The following TNRC6A variants were observed in gnomAD, a reference collection of about 807,000 sequenced individuals.
TNRC6A encodes trinucleotide repeat containing adaptor 6A.
A neutral mutation model predicts 221.2 loss-of-function variants in TNRC6A; 44 were observed. The observed-to-expected ratio is 0.20, with a 90% CI of 0.16 to 0.26. The LOEUF (loss-of-function observed/expected upper bound fraction) is 0.26. TNRC6A is among the 10% of genes least tolerant of loss of function. The pLI, the probability that TNRC6A is intolerant of heterozygous loss-of-function variation, is 1.00. For missense variants in TNRC6A, 2,199 were observed against 2,404.4 expected (o/e 0.91, Z 1.79); for synonymous variants, 847 against 838.5 (o/e 1.01, Z -0.18).
At chr16:24,699,763 A>G (rs1432396447) in intron 2 of TNRC6A, among the ~76,000 whole-genome samples, 1 of 151,954 alleles carries the variant, frequency 6.6e-6, no homozygotes, top group African/African-American at 2.4e-5. Context: ...AACAAATACA[A>G]AAGCCCAGAG....
chr16:24,683,808 A>C (rs2055577513), intron 2 of TNRC6A, among the ~76,000 whole-genome samples: 2 of 152,168 alleles, frequency 1.3e-5, no homozygotes, highest in African/African-American at 4.8e-5. Context: ...CCCTGCACCT[A>C]GTGAGCCCTA....
intron 2 of TNRC6A, among the ~76,000 whole-genome samples, chr16:24,748,802 C>G (rs2151384527): frequency 6.6e-6 from 1 of 152,278 alleles, no homozygotes; most frequent in East Asian, 1.9e-4. Flanking sequence ...CTGCCATATG[C>G]ATTCCAGCCT....
At chr16:24,736,245 A>G (rs1202418952) in intron 2 of TNRC6A, among the ~76,000 whole-genome samples, 1 of 152,146 alleles carries the variant, frequency 6.6e-6, no homozygotes, top group Non-Finnish European at 1.5e-5. Flanking sequence ...CTCTTTACCT[A>G]GTTTTAGTGA....
intron 4 of TNRC6A, among the ~76,000 whole-genome samples, chr16:24,770,037 G>T (rs1368108469): frequency 1.3e-5 from 2 of 152,170 alleles, no homozygotes; most frequent in Admixed American, 1.3e-4. Flanking sequence ...ATAGAGGAGG[G>T]CAATCTGGTT....
At position 24,806,345 on chromosome 16, in the gene TNRC6A, T is replaced by C. The variant is rs538950232; in HGVS notation, c.4329+62T>C. 2.5e-6 allele frequency: 4 copies of C among 1,577,056 alleles called. 1 individual carries two copies. In the Admixed American group the frequency reaches 6.9e-5, roughly 27 times the overall value. On this transcript the variant is annotated intron_variant, in intron 16 of 24. Coordinates refer to ENST00000395799, the MANE Select transcript of TNRC6A (RefSeq NM_014494.4). Reference sequence around the variant, plus strand: ...TGTTAATAAACTCTGCTTATCTCCATTGTAGCAAGAGATTCAGAAATGTCT... The same window carrying C: ...TGTTAATAAACTCTGCTTATCTCCACTGTAGCAAGAGATTCAGAAATGTCT...
chr16:24,718,367 T>C (rs974872760), intron 2 of TNRC6A, among the ~76,000 whole-genome samples: 11 of 152,148 alleles, frequency 7.2e-5, no homozygotes, highest in Admixed American at 5.9e-4. Context: ...TGTATTCTTA[T>C]GAGATCCAGA....
chr16:24,629,726 C>T (rs903620627), intron 1 of TNRC6A, among the ~76,000 whole-genome samples: 1 of 152,148 alleles, frequency 6.6e-6, no homozygotes, highest in Admixed American at 6.6e-5. Context: ...CGCCTGTAAT[C>T]TCACTGCTTT....
chr16:24,627,026 AG>A (rs1221710700), intron 1 of TNRC6A, among the ~76,000 whole-genome samples: 30 of 151,318 alleles, frequency 2.0e-4, no homozygotes, highest in African/African-American at 5.3e-4. Context: ...CTAAAGCATC[AG>A]TCCAGATGAG....
chr16:24,821,985 A>G, intron 22 of TNRC6A, 92 bp from the exon 23 acceptor site: 1 of 1,200,932 alleles, frequency 8.3e-7, no homozygotes. Context: ...AAGGAAGTGA[A>G]GGAAGTCAAG....
intron 2 of TNRC6A, among the ~76,000 whole-genome samples, chr16:24,736,294 G>A (rs1446451013): frequency 2.0e-5 from 3 of 152,158 alleles, no homozygotes; most frequent in East Asian, 3.8e-4. Context: ...TCGTGACATT[G>A]CACACCAAAG....
chr16:24,814,409 CTTTTTTTTTTTTTTTTT>C (rs1302108219), intron 18 of TNRC6A, among the ~76,000 whole-genome samples: 3 of 116,766 alleles, frequency 2.6e-5, no homozygotes, highest in Non-Finnish European at 3.5e-5. Context: ...TTTTTTTTTT[CTTTTTTTTTTTTTTTTT>C]GGAGACGGAG....
At chr16:24,746,680 A>T (rs923017954) in intron 2 of TNRC6A, among the ~76,000 whole-genome samples, 1 of 152,210 alleles carries the variant, frequency 6.6e-6, no homozygotes, top group African/African-American at 2.4e-5. Context: ...TTGTGAATAG[A>T]TACTTCCAAA....
intron 8 of TNRC6A, among the ~76,000 whole-genome samples, chr16:24,795,252 G>GA (rs1249242388): frequency 6.6e-6 from 1 of 152,098 alleles, no homozygotes; most frequent in Non-Finnish European, 1.5e-5. Context: ...GCTGTACATC[G>GA]AAATCCCATG....
intron 1 of TNRC6A, among the ~76,000 whole-genome samples, chr16:24,623,347 C>T (rs1700130462): frequency 6.6e-6 from 1 of 152,018 alleles, no homozygotes; most frequent in South Asian, 2.1e-4. Flanking sequence ...TACAGGCGCC[C>T]GCTGCCACGC....
intron 2 of TNRC6A, among the ~76,000 whole-genome samples, chr16:24,678,499 A>T (rs1376436884): frequency 1.3e-5 from 2 of 152,154 alleles, no homozygotes; most frequent in African/African-American, 2.4e-5. Flanking sequence ...ATCTCCAGCC[A>T]ACAGCCATCA....
chr16:24,670,966 T>C (rs1275811926), intron 2 of TNRC6A: 2 of 408,120 alleles, frequency 4.9e-6, no homozygotes, highest in African/African-American at 4.2e-5. Context: ...CAGGCCATCG[T>C]AATTAGCATC....
Position 24,823,286 on chromosome 16 carries a change from G to A in TNRC6A, c.5514-146G>A. On this transcript the variant is annotated intron_variant, in intron 24 of 24. Transcript: ENST00000395799. The surrounding 1 kb of genome is among the most constrained non-coding windows in gnomAD (Gnocchi z 4.3). ...CTGTGGGTGCACACTCGGGTGAAGGGAGGGCACGCAGGTTATGTGGTGTAG... is the reference window on the plus strand; with the variant it reads ...CTGTGGGTGCACACTCGGGTGAAGGAAGGGCACGCAGGTTATGTGGTGTAG... 9.2e-7 allele frequency: 1 copy of A among 1,081,178 alleles called. No individual in the cohort carries two copies. The highest frequency in any genetic ancestry group is 2.5e-5 in the East Asian group (1 of 40,274). 67.0% of individuals were successfully genotyped at this position (1,081,178 alleles called of 1,614,324 possible).
intron 18 of TNRC6A, among the ~76,000 whole-genome samples, chr16:24,810,984 T>C (rs931362098): frequency 1.3e-5 from 2 of 149,140 alleles, no homozygotes; most frequent in Middle Eastern, 3.2e-3. Context: ...TCCAGCCCTC[T>C]CCAGACAGAC....
intron 1 of TNRC6A, among the ~76,000 whole-genome samples, chr16:24,615,051 T>A (rs1455318303): frequency 6.6e-6 from 1 of 151,938 alleles, no homozygotes; most frequent in Non-Finnish European, 1.5e-5. Context: ...GGTGACAGAG[T>A]GAGACTCTGT....
Sources: gnomAD v4.1 joint callset for allele counts (sites outside exome capture counted in the v4.1 genomes callset) on GRCh38, gnomAD v4.1.1 for gene constraint, Gnocchi (gnomAD v3.1) non-coding constraint, MANE v1.5 for transcripts, NCBI Gene and HGNC (gene_info 2026-07-23, HGNC 2026-07-21) for gene names.